CACNA2D3: variants seen among roughly 807,000 people sequenced by gnomAD.
CACNA2D3 encodes voltage-dependent calcium channel subunit alpha-2/delta-3.
A neutral mutation model predicts 160.6 loss-of-function variants in CACNA2D3; 60 were observed. The ratio of observed to expected loss-of-function variants is 0.37; its 90% CI spans 0.30 to 0.46. CACNA2D3 has a LOEUF of 0.46. Among genes scored for constraint, CACNA2D3 ranks in the 20% least tolerant of loss-of-function variants. CACNA2D3 has a pLI of 1.00. For synonymous variants in CACNA2D3, 558 were observed against 492.9 expected (o/e 1.13, Z -1.75); for missense variants, 1,205 against 1,365.0 (o/e 0.88, Z 1.85).
At chr3:54,333,982 A>G (rs1704322733) in intron 3 of CACNA2D3, among the ~76,000 whole-genome samples, 1 of 152,230 alleles carries the variant, frequency 6.6e-6, no homozygotes, top group Non-Finnish European at 1.5e-5. Flanking sequence ...AACCTGCTTC[A>G]TTGGCCCCAG....
At chr3:54,481,747 A>G (rs1700936601) in intron 4 of CACNA2D3, among the ~76,000 whole-genome samples, 1 of 152,178 alleles carries the variant, frequency 6.6e-6, no homozygotes, top group Admixed American at 6.5e-5. Flanking sequence ...AATAAATTTG[A>G]ATTAATGTGG....
chr3:54,897,811 A>G (rs1024838756), intron 26 of CACNA2D3, among the ~76,000 whole-genome samples: 1 of 152,250 alleles, frequency 6.6e-6, no homozygotes, highest in African/African-American at 2.4e-5. Context: ...TGTAGAAAGC[A>G]AAGAGTGCTC....
chr3:54,248,013 G>C (rs186740124), intron 2 of CACNA2D3, among the ~76,000 whole-genome samples: 2 of 152,102 alleles, frequency 1.3e-5, no homozygotes, highest in Non-Finnish European at 2.9e-5. Flanking sequence ...TTTCCTTAAC[G>C]GTGACTGTTA....
intron 27 of CACNA2D3, among the ~76,000 whole-genome samples, chr3:54,947,924 G>A (rs1471600833): frequency 6.6e-6 from 1 of 152,130 alleles, no homozygotes; most frequent in Non-Finnish European, 1.5e-5. Flanking sequence ...AGAGCAACAT[G>A]GCCTCTGTCT....
intron 35 of CACNA2D3, among the ~76,000 whole-genome samples, chr3:55,064,502 A>C (rs958816083): frequency 2.0e-5 from 3 of 152,144 alleles, no homozygotes; most frequent in Non-Finnish European, 2.9e-5. Context: ...GCAACTGTAC[A>C]TGAGGCAAGC....
At chr3:54,197,707 G>A (rs1435565423) in intron 2 of CACNA2D3, among the ~76,000 whole-genome samples, 2 of 152,164 alleles carry the variant, frequency 1.3e-5, no homozygotes, top group African/African-American at 2.4e-5. Context: ...GTGTATGAGG[G>A]CCTTTGATCT....
chr3:54,531,800 A>G (rs1165343109), intron 5 of CACNA2D3, among the ~76,000 whole-genome samples: 1 of 152,264 alleles, frequency 6.6e-6, no homozygotes, highest in Non-Finnish European at 1.5e-5. Flanking sequence ...AATTTGCAGC[A>G]TTGGCAAAAA....
At chr3:54,368,513 G>A (rs1698864430) in intron 3 of CACNA2D3, among the ~76,000 whole-genome samples, 1 of 151,868 alleles carries the variant, frequency 6.6e-6, no homozygotes, top group Admixed American at 6.6e-5. Flanking sequence ...ACGGAAAGGA[G>A]GAGAGAGAGT....
At chr3:54,598,785 A>G (rs1269941724) in intron 9 of CACNA2D3, among the ~76,000 whole-genome samples, 7 of 152,200 alleles carry the variant, frequency 4.6e-5, no homozygotes, top group Admixed American at 6.5e-5. Flanking sequence ...AAACAGGTCC[A>G]CACTTTGATT....
chr3:54,751,383 T>G (rs1269158391), intron 11 of CACNA2D3, among the ~76,000 whole-genome samples: 1 of 152,234 alleles, frequency 6.6e-6, no homozygotes. Flanking sequence ...GCCTTCAAGT[T>G]ATAATGCCCA....
At chr3:54,655,349 G>T (rs187719705) in intron 11 of CACNA2D3, among the ~76,000 whole-genome samples, 2 of 152,144 alleles carry the variant, frequency 1.3e-5, no homozygotes, top group Admixed American at 6.5e-5. Flanking sequence ...AAAATGTTGC[G>T]CTCCCAAGCT....
chr3:54,397,528 G>T (rs1233699392), intron 4 of CACNA2D3, among the ~76,000 whole-genome samples: 2 of 142,122 alleles, frequency 1.4e-5, no homozygotes, highest in Admixed American at 1.4e-4. Flanking sequence ...CTTTGTTCTC[G>T]TTGGTTTCAA....
At chr3:54,818,852 A>G (rs1224792113) in intron 14 of CACNA2D3, among the ~76,000 whole-genome samples, 4 of 152,246 alleles carry the variant, frequency 2.6e-5, no homozygotes, top group African/African-American at 4.8e-5. Context: ...TAAGAGATCT[A>G]TGCGACATGG....
At chr3:54,225,081 C>A (rs1701646669) in intron 2 of CACNA2D3, among the ~76,000 whole-genome samples, 1 of 151,580 alleles carries the variant, frequency 6.6e-6, no homozygotes. Context: ...TTAGGTATAT[C>A]TCCTAATGCT....
chr3:54,925,077 G>A (rs377716723), intron 27 of CACNA2D3: 1 of 1,614,116 alleles, frequency 6.2e-7, no homozygotes, highest in East Asian at 2.2e-5. Context: ...AGTCTGAGGA[G>A]GTAAATGGGA....
intron 4 of CACNA2D3, among the ~76,000 whole-genome samples, chr3:54,449,788 G>A (rs1575461008): frequency 6.6e-6 from 1 of 152,158 alleles, no homozygotes; most frequent in South Asian, 2.1e-4. Context: ...TCCAGAAGCA[G>A]AAGCCACTGT....
chr3:54,407,443 T>A (rs1408100253), intron 4 of CACNA2D3, among the ~76,000 whole-genome samples: 1 of 152,208 alleles, frequency 6.6e-6, no homozygotes, highest in African/African-American at 2.4e-5. Context: ...GGACACAGTG[T>A]CTTCTTCATC....
At chr3:54,891,874 T>TA (rs1377336466) in intron 25 of CACNA2D3, among the ~76,000 whole-genome samples, 1 of 152,194 alleles carries the variant, frequency 6.6e-6, no homozygotes, top group African/African-American at 2.4e-5. Flanking sequence ...CCTGTTTGTT[T>TA]ACATTTTACT....
chr3:54,651,077 C>G (rs1699755341), intron 11 of CACNA2D3, among the ~76,000 whole-genome samples: 1 of 152,190 alleles, frequency 6.6e-6, no homozygotes, highest in Non-Finnish European at 1.5e-5. Flanking sequence ...AGCCTAGACC[C>G]TTAACCAGGA....
Sources: gnomAD v4.1 joint callset for allele counts (sites outside exome capture counted in the v4.1 genomes callset) on GRCh38, gnomAD v4.1.1 for gene constraint, MANE v1.5 for transcripts, NCBI Gene and HGNC (gene_info 2026-07-23, HGNC 2026-07-21) for gene names.